Variants in FAT2 observed in about 807,000 individuals in gnomAD.
FAT2 encodes protocadherin Fat 2.
FAT2 carries 150 observed loss-of-function variants against 295.3 expected under a neutral mutation model. The ratio of observed to expected loss-of-function variants is 0.51; its 90% CI spans 0.44 to 0.58. FAT2 has a LOEUF of 0.58. FAT2 is among the 20% of genes least tolerant of loss of function. The pLI is 0.00. For synonymous variants in FAT2, 2,026 were observed against 2,150.3 expected (o/e 0.94, Z 1.60); for missense variants, 4,868 against 5,442.7 (o/e 0.89, Z 3.32).
rs774624266 is a variant in FAT2, at chr5:151,545,572, G to A, written c.5555C>T (p.Ala1852Val). The A allele has an allele frequency of 1.9e-6, 3 of 1,614,102 alleles. No homozygotes were observed. In the Admixed American group the frequency reaches 5.0e-5, roughly 27 times the overall value. ...AATGATGACTTGGGCAGGTCTGGGT[G>A]CAAATAATACAGGGCTTCCTTGGTC... Reference protein sequence around the residue: ...VHDQGSPVLFAPRPAQVIIHV... With the variant: ...VHDQGSPVLFVPRPAQVIIHV... The change falls in exon 10 of 24, where the codon GCA (alanine) becomes GTA (valine). Residue 1852 changes from alanine to valine, a missense_variant. By Grantham distance (64) the Ala-to-Val change is moderately conservative (BLOSUM62 0). Coordinates refer to ENST00000261800, the MANE Select transcript of FAT2 (RefSeq NM_001447.3).
At chr5:151,592,382 T>C (rs902139023), upstream of FAT2, among the ~76,000 whole-genome samples, 5 of 152,180 alleles carry the variant, frequency 3.3e-5, no homozygotes, top group Non-Finnish European at 7.4e-5. Flanking sequence ...AAATCGCTCC[T>C]GCCCCACAAA....
At chr5:151,588,035 G>C (rs1385049554) in intron 1 of FAT2, among the ~76,000 whole-genome samples, 2 of 152,198 alleles carry the variant, frequency 1.3e-5, no homozygotes, top group Non-Finnish European at 2.9e-5. Flanking sequence ...TTCTTCAAGG[G>C]AGACTTCAGA....
intron 2 of FAT2, among the ~76,000 whole-genome samples, chr5:151,564,407 A>C (rs373849181): frequency 3.9e-5 from 6 of 152,234 alleles, no homozygotes; most frequent in African/African-American, 1.4e-4. Context: ...CTCTTAATCT[A>C]ATGCTCTTTC....
At position 151,546,310 on chromosome 5, in the gene FAT2, T is replaced by A. The variant is rs1756625400; in HGVS notation, c.4817A>T (p.Asn1606Ile). The change falls in exon 10 of 24, where the codon AAT (asparagine) becomes ATT (isoleucine). Residue 1606 changes from asparagine (N) to isoleucine (I), a missense_variant. Physicochemically the swap from Asn to Ile is moderately radical, Grantham distance 149. Around this residue, in one of 5 missense-constraint regions of FAT2, gnomAD observed 3,297 missense variants for 3,669.4 expected, o/e 0.90. Transcript: ENST00000261800. ...KGNSEGFFNI[N>I]ALLGIITLAQ... ...TAGAGTAATGATGCCTAGCAGGGCA[T>A]TGATGTTGAAGAAACCTTCGCTGTT... is the stretch of plus-strand genomic sequence containing the variant. The A allele has an allele frequency of 6.2e-7, 1 of 1,613,340 alleles. No homozygotes were observed. The highest frequency in any genetic ancestry group is 1.3e-5 in the African/African-American group (1 of 74,900).
Position 151,565,583 on chromosome 5 carries a change from CCTTTTTCCTTCAGCCCGCAGGCTGACTT to C in FAT2, c.3259+62_3259+89del, listed in dbSNP as rs1320802877. ...TTTCATTTCAGCCTGCAGGCTGACT[CCTTTTTCCTTCAGCCCGCAGGCTGACTT>C]CTTTTTCCTTCAGCCCATCTACCTC... On this transcript the variant is annotated intron_variant, in intron 2 of 23. Transcript: ENST00000261800. 1.2e-4 allele frequency: 157 copies of C among 1,325,224 alleles called. 1 individual carries two copies. Among genetic ancestry groups the C allele is most frequent in the Middle Eastern group, 2.6e-4 (1 of 3,850 alleles). 82.1% of individuals were successfully genotyped at this position (1,325,224 alleles called of 1,614,324 possible).
rs2127618976 is a variant in FAT2 at position 151,549,326 on chromosome 5, G to T, written c.4758C>A (p.Val1586=). 4 of 1,613,446 alleles carry T rather than the reference G, an allele frequency of 2.5e-6. No individual in the cohort carries two copies. Among genetic ancestry groups the T allele is most frequent in the Non-Finnish European group, 3.4e-6 (4 of 1,179,990 alleles). Residue 1586 remains valine, a synonymous_variant, in exon 9 of 24, where the codon GTC becomes GTA. Coordinates refer to ENST00000261800, the MANE Select transcript of FAT2 (RefSeq NM_001447.3). ...GGAGGGAGTAGTGGACCTCAGCATT[G>T]ACTCCCCGGTCAGCATCCATGGCTC... is the stretch of plus-strand genomic sequence containing the variant. ...QVRAMDADRG[V]NAEVHYSLLK...
Position 151,545,695 on chromosome 5 carries a change from T to C in FAT2, c.5432A>G (p.Lys1811Arg). 3 of 1,614,174 alleles carry C rather than the reference T, an allele frequency of 1.9e-6. No homozygotes were observed. The highest frequency in any genetic ancestry group is 2.5e-6 in the Non-Finnish European group (3 of 1,180,034). Reference sequence around the variant, plus strand: ...CATGCTGGGATCAATTTTGAAAAACTTCAAGGCCTCCGGCTCCAAAATTTT... The same window carrying C: ...CATGCTGGGATCAATTTTGAAAAACCTCAAGGCCTCCGGCTCCAAAATTTT... The part of the protein sequence containing the change: ...VYKILEPEAL[K>R]FFKIDPSMGT... The change falls in exon 10 of 24, where the codon AAG becomes AGG. Residue 1811 changes from lysine (K) to arginine (R), a missense_variant. Physicochemically the swap from Lys to Arg is conservative, Grantham distance 26. Transcript: ENST00000261800.
chr5:151,541,118 G>T (rs1296063219), intron 10 of FAT2, among the ~76,000 whole-genome samples: 1 of 152,194 alleles, frequency 6.6e-6, no homozygotes, highest in African/African-American at 2.4e-5. Context: ...TACAACAGTG[G>T]AGAGATAGGA....
intron 1 of FAT2, among the ~76,000 whole-genome samples, chr5:151,574,554 C>T (rs1758666858): frequency 6.6e-6 from 1 of 152,184 alleles, no homozygotes; most frequent in Non-Finnish European, 1.5e-5. Flanking sequence ...AATTTCTCTT[C>T]TTAGTAGTAG....
At chr5:151,592,064 T>C (rs1192166470), upstream of FAT2, among the ~76,000 whole-genome samples, 1 of 152,234 alleles carries the variant, frequency 6.6e-6, no homozygotes, top group Non-Finnish European at 1.5e-5. Context: ...ACCGATTATG[T>C]GTGCATCACA....
chr5:151,537,927 AC>A lies in FAT2; in HGVS notation c.9058del (p.Val3020PhefsTer12). 1 of 1,614,146 alleles carries A rather than the reference AC, an allele frequency of 6.2e-7. No individual in the cohort carries two copies. The highest frequency in any genetic ancestry group is 8.5e-7 in the Non-Finnish European group (1 of 1,180,002). On this transcript the variant is annotated frameshift_variant, in exon 12 of 24. Coordinates refer to ENST00000261800, the MANE Select transcript of FAT2 (RefSeq NM_001447.3). LOFTEE classifies it high-confidence loss of function. ...GTGTCCTGGAAATACATCTTCATGA[AC>A]CTTGCCAGTATAGAGAAGCTAGAGA... ...QCSQLLYTGK[V>X]HEDVFPGHFI... is the part of the protein sequence containing the mutation.
intron 21 of FAT2, chr5:151,511,426 C>T (rs974872882): frequency 6.6e-6 from 1 of 152,180 alleles, no homozygotes; most frequent in African/African-American, 2.4e-5. Context: ...CCTATTTAGT[C>T]AAAATAATTA....
intron 3 of FAT2, among the ~76,000 whole-genome samples, chr5:151,562,581 C>T (rs1758064935): frequency 6.6e-6 from 1 of 152,158 alleles, no homozygotes; most frequent in South Asian, 2.1e-4. Flanking sequence ...GGCTCCGGGC[C>T]ACTGTGGCCC....
At chr5:151,561,668 GGTGTGAGCCACT>G (rs1220371805) in intron 3 of FAT2, among the ~76,000 whole-genome samples, 1 of 152,222 alleles carries the variant, frequency 6.6e-6, no homozygotes, top group Non-Finnish European at 1.5e-5. Context: ...TGGGATCGCA[GGTGTGAGCCACT>G]GTGTCTGGCT....
chr5:151,507,834 C>T (rs1367332466), intron 22 of FAT2, among the ~76,000 whole-genome samples: 2 of 152,164 alleles, frequency 1.3e-5, no homozygotes, highest in Non-Finnish European at 2.9e-5. Context: ...CCATTAGGAT[C>T]TGGGAATGTC....
rs111414123 is a variant in FAT2 at position 151,515,253 on chromosome 5, G to A, written c.11463+2367C>T. Among the ~76,000 whole-genome samples the A allele has an allele frequency of 7.0e-3, 1,072 of 152,176 alleles. 11 individuals are homozygous for A. The highest frequency in any genetic ancestry group is 0.024 in the African/African-American group (1,001 of 41,496). ...CCCTGGGTTTTCCTCCAGCATCACCGGTTACTCATGTTCAGTCTCCTTTGT... is the reference window on the plus strand; with the variant it reads ...CCCTGGGTTTTCCTCCAGCATCACCAGTTACTCATGTTCAGTCTCCTTTGT... On this transcript the variant is annotated intron_variant, in intron 20 of 23. Transcript: ENST00000261800.
chr5:151,589,348 G>A (rs1403307991), intron 1 of FAT2, among the ~76,000 whole-genome samples: 1 of 152,156 alleles, frequency 6.6e-6, no homozygotes, highest in African/African-American at 2.4e-5. Flanking sequence ...AAAGCATCTG[G>A]AAGGAGAACT....
At position 151,505,748 on chromosome 5, in the gene FAT2, G is replaced by A. The variant is rs557699400; in HGVS notation, c.12867C>T (p.Cys4289=). The change falls in exon 24 of 24, where the codon TGC becomes TGT. Residue 4289 remains cysteine (C), a synonymous_variant. Transcript: ENST00000261800. The stretch of plus-strand genomic sequence containing the variant: ...CCCCCTTGTAGCCCCCGTCTGCCAG[G>A]CAGGGCCCTCCCCCTCCCTGCCGGA... ...SQFRQGGGGP[C]LADGGYKGVG... 1 of 1,613,688 alleles carries A rather than the reference G, an allele frequency of 6.2e-7. No individual in the cohort carries two copies. The highest frequency in any genetic ancestry group is 1.7e-5 in the Admixed American group (1 of 60,020).
chr5:151,511,828 T>C, intron 21 of FAT2: 1 of 244,724 alleles, frequency 4.1e-6, no homozygotes, highest in East Asian at 7.9e-5. Flanking sequence ...GGGAAGGGAG[T>C]GGAATATAAG....
Sources: allele counts gnomAD v4.1 joint callset (sites outside exome capture counted in the v4.1 genomes callset), GRCh38; gene constraint gnomAD v4.1.1; regional missense constraint gnomAD v4.1.1; transcripts MANE v1.5; gene names NCBI Gene and HGNC (gene_info 2026-07-23, HGNC 2026-07-21).